IQGAP2: variants seen among roughly 807,000 people sequenced by gnomAD.
IQGAP2 encodes ras GTPase-activating-like protein IQGAP2.
A neutral mutation model predicts 201.3 loss-of-function variants in IQGAP2; 173 were observed. The ratio of observed to expected loss-of-function variants is 0.86; its 90% CI spans 0.76 to 0.98. IQGAP2 has a LOEUF of 0.98. Among genes scored for constraint, IQGAP2 ranks in the 50% least tolerant of loss-of-function variants. The pLI, the probability that IQGAP2 is intolerant of heterozygous loss-of-function variation, is 0.00. For missense variants in IQGAP2, 1,687 were observed against 1,864.8 expected, an observed-to-expected ratio of 0.90 and a Z score of 1.76; for synonymous variants, 675 against 673.9, an observed-to-expected ratio of 1.00 and a Z score of -0.03.
At chr5:76,667,137 T>G (rs1743851581) in intron 22 of IQGAP2, among the ~76,000 whole-genome samples, 2 of 150,486 alleles carry the variant, frequency 1.3e-5, no homozygotes, top group Non-Finnish European at 1.5e-5. Flanking sequence ...TTTAAAATTT[T>G]TAGGTAACCT....
intron 12 of IQGAP2, among the ~76,000 whole-genome samples, chr5:76,610,010 C>G (rs1354462642): frequency 1.5e-5 from 2 of 129,146 alleles, no homozygotes; most frequent in African/African-American, 5.8e-5. Context: ...GACTTCTGTG[C>G]TTTTCATTTG....
chr5:76,689,234 A>T (rs916752244), intron 30 of IQGAP2, among the ~76,000 whole-genome samples: 2,480 of 143,564 alleles, frequency 0.017, 48 homozygotes, highest in Middle Eastern at 0.029. Flanking sequence ...GATATTTAAA[A>T]AAAAAAAAAA....
intron 11 of IQGAP2, among the ~76,000 whole-genome samples, chr5:76,605,705 T>A (rs1351982982): frequency 6.6e-6 from 1 of 152,162 alleles, no homozygotes; most frequent in African/African-American, 2.4e-5. Context: ...TATATTAGGG[T>A]TGTAGTAGAA....
chr5:76,570,892 A>G (rs982502488), intron 4 of IQGAP2, among the ~76,000 whole-genome samples: 1 of 152,220 alleles, frequency 6.6e-6, no homozygotes, highest in African/African-American at 2.4e-5. Flanking sequence ...AAGGCAGAAC[A>G]AGCTATAGCT....
chr5:76,700,893 G>C (rs1747318834), intron 33 of IQGAP2, among the ~76,000 whole-genome samples, 183 bp from the exon 34 acceptor site: 1 of 152,186 alleles, frequency 6.6e-6, no homozygotes, highest in South Asian at 2.1e-4. Flanking sequence ...CCCACAAACA[G>C]TTTAGTAGTG....
Position 76,505,469 on chromosome 5 carries a change from T to G in IQGAP2, c.146+43800T>G, listed in dbSNP as rs759693160. Among the ~76,000 whole-genome samples, 18 of 152,290 alleles carry G rather than the reference T, an allele frequency of 1.2e-4. No individual in the cohort carries two copies. The Middle Eastern group carries it at 0.01, about 86-fold the overall frequency. On this transcript the variant is annotated intron_variant, in intron 2 of 35. Transcript: ENST00000274364. ...AAAATCTGTGATGCTACAGGGAGAA[T>G]GGAGCAGGACTTCTTCTAGTAGAGA... is the stretch of plus-strand genomic sequence containing the variant.
At chr5:76,458,767 A>G (rs114475713) in intron 1 of IQGAP2, among the ~76,000 whole-genome samples, 1,928 of 152,326 alleles carry the variant, frequency 0.013, 41 homozygotes, top group African/African-American at 0.044. Context: ...GAATGGTGCT[A>G]TCTTTGCTCC....
intron 2 of IQGAP2, among the ~76,000 whole-genome samples, chr5:76,515,926 G>T (rs1287632373): frequency 7.1e-6 from 1 of 140,750 alleles, no homozygotes; most frequent in Non-Finnish European, 1.5e-5. Context: ...TACCCAGGCT[G>T]GAGTGCAATG....
Position 76,549,320 on chromosome 5 carries a change from A to AGTGTGT in IQGAP2, c.147-13054_147-13049dup, listed in dbSNP as rs35060845. Among the ~76,000 whole-genome samples the AGTGTGT allele has an allele frequency of 5.0e-3, 737 of 147,820 alleles. 6 individuals are homozygous for AGTGTGT. The highest frequency in any genetic ancestry group is 0.014 in the Middle Eastern group (4 of 288). Reference sequence around the variant, plus strand: ...TTCAGTCTCAGGCGTCGAGCTCTGGAGTGTGTGTGTGTGTGTGTGTGTGTG... The same window carrying AGTGTGT: ...TTCAGTCTCAGGCGTCGAGCTCTGGAGTGTGTGTGTGTGTGTGTGTGTGTGTGTGTG... On this transcript the variant is annotated intron_variant, in intron 2 of 35. Transcript: ENST00000274364.
intron 2 of IQGAP2, among the ~76,000 whole-genome samples, chr5:76,518,074 A>G (rs545148096): frequency 6.6e-6 from 1 of 152,174 alleles, no homozygotes; most frequent in Non-Finnish European, 1.5e-5. Flanking sequence ...CTTCTGTCTC[A>G]GCCTCCCAAG....
In IQGAP2 at chr5:76,597,521, G is replaced by A. The variant is rs1049640745; in HGVS notation, c.990G>A (p.Glu330=). The A allele has an allele frequency of 5.6e-6, 9 of 1,613,690 alleles. No individual in the cohort carries two copies. In the Admixed American group the frequency reaches 8.3e-5, roughly 15 times the overall value. Residue 330 remains glutamate, a synonymous_variant, in exon 10 of 36, where the codon GAG becomes GAA. Coordinates refer to ENST00000274364, the MANE Select transcript of IQGAP2 (RefSeq NM_006633.5). ...ENTLLALKKP[E]AQLPAVYPFA... is the part of the protein sequence containing the mutation. ...CGCTGCTTGCACTGAAGAAACCAGA[G>A]GCCCAGCTGCCTGCTGTTTATCCCT...
intron 1 of IQGAP2, among the ~76,000 whole-genome samples, chr5:76,449,005 C>T (rs887484363): frequency 2.6e-5 from 4 of 152,120 alleles, no homozygotes; most frequent in African/African-American, 7.2e-5. Context: ...ATCTCACAAC[C>T]GTACTCCTCT....
chr5:76,436,273 G>A (rs1363459935), intron 1 of IQGAP2, among the ~76,000 whole-genome samples: 4 of 151,550 alleles, frequency 2.6e-5, no homozygotes, highest in Non-Finnish European at 5.9e-5. Flanking sequence ...AGTGGTGAAA[G>A]TGGGCATCCC....
chr5:76,661,791 T>C (rs1743272482), intron 21 of IQGAP2, among the ~76,000 whole-genome samples: 1 of 152,170 alleles, frequency 6.6e-6, no homozygotes, highest in African/African-American at 2.4e-5. Context: ...GATACCCATA[T>C]CTTTTATGAC....
chr5:76,568,594 T>C (rs537152685), intron 3 of IQGAP2, among the ~76,000 whole-genome samples: 1 of 152,338 alleles, frequency 6.6e-6, no homozygotes, highest in African/African-American at 2.4e-5. Flanking sequence ...AAGCCCTCTG[T>C]GGTCAAACAA....
intron 2 of IQGAP2, among the ~76,000 whole-genome samples, chr5:76,499,318 C>T (rs1418857448): frequency 6.6e-6 from 1 of 152,174 alleles, no homozygotes; most frequent in Non-Finnish European, 1.5e-5. Context: ...TCTTTCTGCC[C>T]CTCTGTCTTT....
chr5:76,564,295 T>C (rs1744586476), intron 3 of IQGAP2, among the ~76,000 whole-genome samples: 1 of 152,250 alleles, frequency 6.6e-6, no homozygotes, highest in South Asian at 2.1e-4. Context: ...TTTTTTTCAT[T>C]GCTTTTATTT....
intron 2 of IQGAP2, chr5:76,547,438 T>A: frequency 2.0e-6 from 2 of 981,196 alleles, no homozygotes; most frequent in Non-Finnish European, 1.2e-6. Flanking sequence ...TAGGAAGGAG[T>A]TGTGGCAATT....
chr5:76,413,035 CCTT>C (rs1261187647), intron 1 of IQGAP2, among the ~76,000 whole-genome samples: 5 of 143,052 alleles, frequency 3.5e-5, no homozygotes, highest in Admixed American at 2.0e-4. Flanking sequence ...TGGTCTGTAT[CCTT>C]CTTTACCTGT....
Sources: gnomAD v4.1 joint callset for allele counts (sites outside exome capture counted in the v4.1 genomes callset) on GRCh38, gnomAD v4.1.1 for gene constraint, MANE v1.5 for transcripts, NCBI Gene and HGNC (gene_info 2026-07-23, HGNC 2026-07-21) for gene names.